Variants in RAP1GAP2 observed in about 807,000 individuals in gnomAD.
RAP1GAP2 encodes RAP1 GTPase activating protein 2, also known as rap1 GTPase-activating protein 2.
In RAP1GAP2, 27 loss-of-function variants were observed where a neutral mutation model predicts 95.0. The ratio of observed to expected loss-of-function variants is 0.28; its 90% confidence interval spans 0.21 to 0.39. The LOEUF is 0.39. Ranked by LOEUF, RAP1GAP2 falls within the 10% of genes least tolerant of loss-of-function variation. The pLI is 1.00. For missense variants in RAP1GAP2, 771 were observed against 970.0 expected (o/e 0.79, Z 2.72); for synonymous variants, 373 against 380.9 (o/e 0.98, Z 0.24).
intron 3 of RAP1GAP2, among the ~76,000 whole-genome samples, chr17:2,938,934 C>T (rs1004270899): frequency 2.0e-5 from 3 of 151,966 alleles, no homozygotes; most frequent in Non-Finnish European, 2.9e-5. Flanking sequence ...TGTAGTGTGC[C>T]GAGATCATCC....
rs567432164 is a variant in RAP1GAP2, at chr17:2,803,716, T to C, written c.80+3166T>C. 3.9e-5 allele frequency among the ~76,000 whole-genome samples: 6 copies of C among 152,246 alleles called. No individual in the cohort carries two copies. The South Asian group carries it at 1.2e-3, about 32-fold the overall frequency. On this transcript the variant is annotated intron_variant, in intron 2 of 24. Coordinates refer to ENST00000254695, the MANE Select transcript of RAP1GAP2 (RefSeq NM_015085.5). Reference sequence around the variant, plus strand: ...CAACATGGTAAAACCCCGTCTCTACTGAAAATACAAAAATTAGCCCAGTGT... The same window carrying C: ...CAACATGGTAAAACCCCGTCTCTACCGAAAATACAAAAATTAGCCCAGTGT...
chr17:2,949,009 G>A, intron 3 of RAP1GAP2, among the ~76,000 whole-genome samples: 1 of 152,186 alleles, frequency 6.6e-6, no homozygotes, highest in East Asian at 1.9e-4. Context: ...CCTGCTACCT[G>A]GGACCTCCTC....
chr17:2,917,269 CT>C (rs879460450), intron 3 of RAP1GAP2, among the ~76,000 whole-genome samples: 20 of 147,430 alleles, frequency 1.4e-4, no homozygotes, highest in Middle Eastern at 3.5e-3. Context: ...ACTTCTTCTT[CT>C]TTTTTTTTTT....
intron 3 of RAP1GAP2, among the ~76,000 whole-genome samples, chr17:2,923,868 T>C (rs2042872437): frequency 6.6e-6 from 1 of 152,342 alleles, no homozygotes; most frequent in African/African-American, 2.4e-5. Flanking sequence ...ATCATACACA[T>C]AGATAGAGGC....
At chr17:3,022,906 T>C (rs139922407) in intron 19 of RAP1GAP2, among the ~76,000 whole-genome samples, 44 of 152,396 alleles carry the variant, frequency 2.9e-4, no homozygotes, top group African/African-American at 9.6e-4. Flanking sequence ...GATTTTTATG[T>C]ATGGTGAGAG....
intron 2 of RAP1GAP2, among the ~76,000 whole-genome samples, chr17:2,900,909 C>T (rs565570629): frequency 5.9e-5 from 9 of 152,262 alleles, no homozygotes; most frequent in South Asian, 2.1e-4. Context: ...CTCTCCATAG[C>T]GATGTGTGAG....
At chr17:2,905,738 G>T (rs1018245580) in intron 3 of RAP1GAP2, among the ~76,000 whole-genome samples, 21 of 152,316 alleles carry the variant, frequency 1.4e-4, no homozygotes, top group Admixed American at 1.2e-3. Context: ...AAGGGCATTT[G>T]CATGCTGGTC....
intron 2 of RAP1GAP2, among the ~76,000 whole-genome samples, chr17:2,885,874 A>G (rs1597510625): frequency 6.6e-6 from 1 of 152,160 alleles, no homozygotes; most frequent in Admixed American, 6.5e-5. Context: ...TTCCAGCATT[A>G]TTGACATTGA....
At chr17:2,917,890 A>C (rs900998148) in intron 3 of RAP1GAP2, among the ~76,000 whole-genome samples, 14 of 151,068 alleles carry the variant, frequency 9.3e-5, no homozygotes, top group African/African-American at 3.2e-4. Context: ...TAATTTATGT[A>C]TTTTTAGTAG....
At chr17:2,924,741 C>A (rs2042897270) in intron 3 of RAP1GAP2, among the ~76,000 whole-genome samples, 1 of 152,122 alleles carries the variant, frequency 6.6e-6, no homozygotes, top group South Asian at 2.1e-4. Context: ...TTAAAAAAGT[C>A]ATTTCAATAC....
At position 2,781,719 on chromosome 17, in the gene RAP1GAP2, C is replaced by T. The variant is rs112162582; in HGVS notation, c.-14+4441C>T. On this transcript the variant is annotated intron_variant, in intron 1 of 24. Coordinates refer to the RAP1GAP2 transcript ENST00000540393. ...GTGTGTGCACGTCTCTGTGTGAGCA[C>T]GTCTCTGTGTGTGCACGTCTCTGTG... Among the ~76,000 whole-genome samples, 7 of 104,810 alleles carry T rather than the reference C, an allele frequency of 6.7e-5. 1 individual carries two copies. The highest frequency in any genetic ancestry group is 2.8e-4 in the African/African-American group (7 of 25,202). 68.8% of individuals were successfully genotyped at this position (104,810 alleles called of 152,430 possible). A position where few individuals can be genotyped will look rare whatever the true frequency, so the allele number is the denominator to read the frequency against.
At chr17:2,836,028 G>A (rs2151558524) in intron 2 of RAP1GAP2, among the ~76,000 whole-genome samples, 1 of 151,766 alleles carries the variant, frequency 6.6e-6, no homozygotes, top group Middle Eastern at 3.4e-3. Context: ...GGTGCATCTG[G>A]CACTGGCGGG....
chr17:2,897,238 T>C (rs2041863494), intron 2 of RAP1GAP2, among the ~76,000 whole-genome samples: 1 of 151,980 alleles, frequency 6.6e-6, no homozygotes, highest in Non-Finnish European at 1.5e-5. Flanking sequence ...CTTGGGAGGC[T>C]GAGGCAGGAG....
intron 2 of RAP1GAP2, among the ~76,000 whole-genome samples, chr17:2,851,283 AT>A (rs974872231): frequency 1.3e-5 from 2 of 151,964 alleles, no homozygotes; most frequent in Non-Finnish European, 2.9e-5. Context: ...ATGGTCTTCC[AT>A]TTTTCTTTCT....
chr17:2,834,086 G>T (rs2071026883), intron 2 of RAP1GAP2, among the ~76,000 whole-genome samples: 1 of 152,156 alleles, frequency 6.6e-6, no homozygotes, highest in South Asian at 2.1e-4. Context: ...CTTTTGCTGA[G>T]AATAACCTCG....
At chr17:2,821,935 G>A (rs2070322700) in intron 2 of RAP1GAP2, among the ~76,000 whole-genome samples, 1 of 152,252 alleles carries the variant, frequency 6.6e-6, no homozygotes, top group Non-Finnish European at 1.5e-5. Flanking sequence ...GTCTATGATG[G>A]ATTACGCACT....
rs140967348 is a variant in RAP1GAP2, at chr17:2,965,697, G to A, written c.596+54G>A. On this transcript the variant is annotated intron_variant, in intron 8 of 24. Coordinates refer to ENST00000254695, the MANE Select transcript of RAP1GAP2 (RefSeq NM_015085.5). The surrounding 1 kb of genome is among the most constrained non-coding windows in gnomAD (Gnocchi z 4.7). The stretch of plus-strand genomic sequence containing the variant: ...TTCTCTTCCAGGCAGGGCTCTCATC[G>A]GTGGTGTGGGGGCTGGGATGGGACT... 9 of 1,311,972 alleles carry A rather than the reference G, an allele frequency of 6.9e-6. No individual in the cohort carries two copies. The highest frequency in any genetic ancestry group is 1.5e-5 in the African/African-American group (1 of 68,780). The allele number at this position is 1,311,972 out of a possible 1,614,324, so 81.3% of individuals were successfully genotyped here. A position where few individuals can be genotyped will look rare whatever the true frequency, so the allele number is the denominator to read the frequency against.
chr17:2,912,308 T>G (rs12946213), intron 3 of RAP1GAP2, among the ~76,000 whole-genome samples: 66,144 of 151,520 alleles, frequency 0.44, 14,531 homozygotes, highest in Non-Finnish European at 0.47. Context: ...GGGTGGTGTG[T>G]GGGGGCTTCT....
At chr17:3,018,404 C>T (rs1463360900) in intron 18 of RAP1GAP2, among the ~76,000 whole-genome samples, 1 of 152,128 alleles carries the variant, frequency 6.6e-6, no homozygotes, top group Non-Finnish European at 1.5e-5. Flanking sequence ...CTAGACAGCA[C>T]CCGGGGTTGA....
Sources: allele counts gnomAD v4.1 joint callset (sites outside exome capture counted in the v4.1 genomes callset), GRCh38; gene constraint gnomAD v4.1.1; non-coding constraint Gnocchi (gnomAD v3.1); transcripts MANE v1.5; gene names NCBI Gene and HGNC (gene_info 2026-07-23, HGNC 2026-07-21).